Variants in DLG2 observed in about 807,000 individuals in gnomAD.
The protein encoded by DLG2 is discs large MAGUK scaffold protein 2.
A neutral mutation model predicts 132.5 loss-of-function variants in DLG2; 45 were observed. The observed-to-expected ratio is 0.34, with a 90% CI of 0.27 to 0.44. DLG2 has a LOEUF of 0.44. Among genes scored for constraint, DLG2 ranks in the 20% least tolerant of loss-of-function variants. The probability of loss-of-function intolerance (pLI) is 1.00; values close to 1 mark genes in which losing one functional copy is unlikely to be tolerated. For missense variants in DLG2, 1,045 were observed against 1,196.9 expected (o/e 0.87, Z 1.87); for synonymous variants, 424 against 419.6 (o/e 1.01, Z -0.13).
chr11:85,196,129 C>T (rs1400404366), intron 4 of DLG2, among the ~76,000 whole-genome samples: 1 of 152,144 alleles, frequency 6.6e-6, no homozygotes, highest in Admixed American at 6.5e-5. Context: ...CACTTTTGAC[C>T]ATAAAGTTGT....
At chr11:85,249,270 T>A (rs1160545888) in intron 4 of DLG2, among the ~76,000 whole-genome samples, 1 of 151,974 alleles carries the variant, frequency 6.6e-6, no homozygotes, top group Non-Finnish European at 1.5e-5. Flanking sequence ...TACATATTAA[T>A]CAACTACTAC....
chr11:83,605,874 C>G (rs1406902810), intron 19 of DLG2, among the ~76,000 whole-genome samples: 3 of 152,188 alleles, frequency 2.0e-5, no homozygotes, highest in African/African-American at 7.2e-5. Flanking sequence ...TGCTATCAAG[C>G]CATGAAAGGT....
chr11:84,460,721 T>A (rs968449164), intron 7 of DLG2, among the ~76,000 whole-genome samples: 3 of 150,878 alleles, frequency 2.0e-5, no homozygotes, highest in Middle Eastern at 3.4e-3. Flanking sequence ...GTAGCCTAAT[T>A]CACTTATTCA....
intron 6 of DLG2, among the ~76,000 whole-genome samples, chr11:84,607,085 C>A (rs989772029): frequency 9.9e-5 from 15 of 152,148 alleles, no homozygotes; most frequent in South Asian, 4.1e-4. Flanking sequence ...ATTCAAGCAT[C>A]TAAAACAGCC....
At chr11:85,244,197 T>C (rs1435264811) in intron 4 of DLG2, among the ~76,000 whole-genome samples, 1 of 152,012 alleles carries the variant, frequency 6.6e-6, no homozygotes, top group Non-Finnish European at 1.5e-5. Flanking sequence ...GCATTATTTC[T>C]CCTGAGAGCT....
At chr11:84,449,264 C>T (rs2099044451) in intron 7 of DLG2, among the ~76,000 whole-genome samples, 1 of 151,596 alleles carries the variant, frequency 6.6e-6, no homozygotes, top group East Asian at 1.9e-4. Flanking sequence ...TTTTTATTTC[C>T]TTAAAAATGA....
chr11:84,266,625 C>T (rs537998188), intron 7 of DLG2, among the ~76,000 whole-genome samples: 8 of 152,126 alleles, frequency 5.3e-5, no homozygotes, highest in East Asian at 3.9e-4. Context: ...AAGGACAAAA[C>T]GCACTTGGAA....
At chr11:85,618,062 G>T (rs927381483) in intron 2 of DLG2, among the ~76,000 whole-genome samples, 1 of 152,136 alleles carries the variant, frequency 6.6e-6, no homozygotes, top group African/African-American at 2.4e-5. Context: ...TCTTGAAATA[G>T]CTTTGAAAAC....
intron 3 of DLG2, among the ~76,000 whole-genome samples, chr11:85,556,845 C>T (rs1045207749): frequency 7.9e-5 from 12 of 151,702 alleles, no homozygotes; most frequent in Admixed American, 2.0e-4. Flanking sequence ...ATTCTCTCTT[C>T]TAGTTATCCA....
At chr11:85,427,022 T>C (rs1020620622) in intron 3 of DLG2, among the ~76,000 whole-genome samples, 1 of 152,138 alleles carries the variant, frequency 6.6e-6, no homozygotes, top group African/African-American at 2.4e-5. Flanking sequence ...TAAGAAAGCG[T>C]ATCAGTGATG....
intron 7 of DLG2, among the ~76,000 whole-genome samples, chr11:84,482,913 G>A (rs2099141546): frequency 6.6e-6 from 1 of 152,142 alleles, no homozygotes. Flanking sequence ...CTGATTTGGG[G>A]AAAATATTTG....
chr11:84,486,953 T>A (rs2099152617), intron 7 of DLG2, among the ~76,000 whole-genome samples: 1 of 152,140 alleles, frequency 6.6e-6, no homozygotes, highest in Non-Finnish European at 1.5e-5. Context: ...AGATTCTTCT[T>A]ACTCTGACCT....
intron 21 of DLG2, among the ~76,000 whole-genome samples, chr11:83,530,832 T>G (rs1431850593): frequency 6.6e-6 from 1 of 151,954 alleles, no homozygotes. Context: ...TATAGAAAAC[T>G]CTGAGGAATT....
intron 6 of DLG2, among the ~76,000 whole-genome samples, chr11:84,849,752 G>C (rs1352294937): frequency 6.6e-6 from 1 of 152,040 alleles, no homozygotes; most frequent in Non-Finnish European, 1.5e-5. Context: ...CGACACTGTT[G>C]CAAGTATTTG....
intron 16 of DLG2, among the ~76,000 whole-genome samples, chr11:83,861,003 C>T (rs553905768): frequency 1.3e-4 from 20 of 152,232 alleles, no homozygotes; most frequent in South Asian, 2.1e-4. Context: ...CCTTCCCACC[C>T]GTTAAACCTC....
chr11:84,592,387 C>A (rs2099545507), intron 6 of DLG2, among the ~76,000 whole-genome samples: 1 of 152,074 alleles, frequency 6.6e-6, no homozygotes, highest in African/African-American at 2.4e-5. Context: ...TAGGTAATAC[C>A]ATTTAGGACA....
chr11:83,633,998 C>A (rs1224860952), intron 18 of DLG2, among the ~76,000 whole-genome samples: 1 of 151,662 alleles, frequency 6.6e-6, no homozygotes, highest in Non-Finnish European at 1.5e-5. Flanking sequence ...ATGGGAATCC[C>A]AACTCAATAG....
intron 3 of DLG2, among the ~76,000 whole-genome samples, chr11:85,478,000 G>T (rs1458489487): frequency 2.0e-5 from 3 of 151,708 alleles, no homozygotes; most frequent in African/African-American, 7.3e-5. Flanking sequence ...AGGGCTGAGT[G>T]GAACAATAGC....
chr11:84,299,436 C>A (rs1185120819), intron 7 of DLG2, among the ~76,000 whole-genome samples: 2 of 152,130 alleles, frequency 1.3e-5, no homozygotes, highest in Non-Finnish European at 2.9e-5. Flanking sequence ...ATATTTGAAA[C>A]ACTCTGGATA....
Sources: gnomAD v4.1 joint callset for allele counts (sites outside exome capture counted in the v4.1 genomes callset) on GRCh38, gnomAD v4.1.1 for gene constraint, MANE v1.5 for transcripts, NCBI Gene and HGNC (gene_info 2026-07-23, HGNC 2026-07-21) for gene names.